Variants in MOB1B observed in about 807,000 individuals in gnomAD.
MOB1B encodes the protein MOB1 Mps One Binder homolog B.
MOB1B carries 19 observed loss-of-function variants against 24.4 expected under a neutral mutation model. That is an observed-to-expected ratio of 0.78 (90% CI 0.54 to 1.14). The LOEUF is 1.14. MOB1B is among the 50% of genes most tolerant of loss of function. The pLI is 0.00. For missense variants in MOB1B, 243 were observed against 259.6 expected (o/e 0.94, Z 0.44); for synonymous variants, 76 against 82.1 (o/e 0.93, Z 0.40).
At chr4:70,937,706 T>G (rs934634741) in intron 1 of MOB1B, among the ~76,000 whole-genome samples, 3 of 151,950 alleles carry the variant, frequency 2.0e-5, no homozygotes, top group African/African-American at 7.2e-5. Flanking sequence ...AAGGGGAAAT[T>G]TTTAGTAAGG....
intron 1 of MOB1B, among the ~76,000 whole-genome samples, chr4:70,925,066 T>TG (rs1160155028): frequency 6.6e-6 from 1 of 152,176 alleles, no homozygotes; most frequent in African/African-American, 2.4e-5. Flanking sequence ...TTTTTTGAGA[T>TG]GGAGTCTTGC....
intron 3 of MOB1B, among the ~76,000 whole-genome samples, chr4:70,972,066 G>T (rs999536876): frequency 2.6e-5 from 4 of 151,090 alleles, no homozygotes; most frequent in African/African-American, 9.8e-5. Flanking sequence ...AGAAGATGTA[G>T]TTGTTGTCAT....
At chr4:70,925,662 A>G (rs377533194) in intron 1 of MOB1B, among the ~76,000 whole-genome samples, 6 of 152,196 alleles carry the variant, frequency 3.9e-5, no homozygotes, top group African/African-American at 1.4e-4. Context: ...TCATTGGATT[A>G]TAATGCATTT....
At chr4:70,940,968 C>T (rs146796834) in intron 1 of MOB1B, among the ~76,000 whole-genome samples, 51 of 152,248 alleles carry the variant, frequency 3.3e-4, no homozygotes, top group African/African-American at 1.2e-3. Flanking sequence ...CCACCACGCC[C>T]GGCCCGGCAT....
intron 1 of MOB1B, among the ~76,000 whole-genome samples, chr4:70,904,210 C>T (rs1394627135): frequency 6.6e-6 from 1 of 151,462 alleles, no homozygotes; most frequent in African/African-American, 2.4e-5. Context: ...TCTCGAACTC[C>T]TGATTTCAAG....
In MOB1B at chr4:70,985,146, A is replaced by G. The variant is rs1578410902; in HGVS notation, c.*3089A>G. The G allele has an allele frequency of 6.6e-6, 1 of 152,234 alleles. No homozygotes were observed. The highest frequency in any genetic ancestry group is 1.5e-5 in the Non-Finnish European group (1 of 68,042). 9.4% of individuals were successfully genotyped at this position (152,234 alleles called of 1,614,324 possible). On this transcript the variant is annotated 3_prime_UTR_variant, in exon 6 of 6. Transcript: ENST00000309395. ...ATATAACCACCAGACTCCATTTTAT[A>G]TATTAGCATTTTCCTTGCTTATGGG...
intron 1 of MOB1B, among the ~76,000 whole-genome samples, chr4:70,932,220 T>A (rs1404915257): frequency 1.3e-5 from 2 of 152,092 alleles, no homozygotes; most frequent in Non-Finnish European, 2.9e-5. Context: ...TATATATAAT[T>A]TAATTTTCAG....
At chr4:70,908,790 T>G (rs1419065458) in intron 1 of MOB1B, among the ~76,000 whole-genome samples, 1 of 121,224 alleles carries the variant, frequency 8.2e-6, no homozygotes, top group Non-Finnish European at 1.7e-5. Flanking sequence ...AAAAAAAGAT[T>G]AGCAATTTAG....
At chr4:70,961,262 C>G (rs868221355) in intron 2 of MOB1B, among the ~76,000 whole-genome samples, 1 of 151,960 alleles carries the variant, frequency 6.6e-6, no homozygotes, top group African/African-American at 2.4e-5. Context: ...TTTACTTAAC[C>G]CTTTTTGTAA....
rs543455029 is a variant in MOB1B at position 70,952,751 on chromosome 4, A to G, written c.15-6123A>G. Among the ~76,000 whole-genome samples, 5 of 151,812 alleles carry G rather than the reference A, an allele frequency of 3.3e-5. No individual in the cohort carries two copies. In the East Asian group the frequency reaches 7.7e-4, roughly 24 times the overall value. ...GAGGTAGGTGGGGTAAGAGGGCAGC[A>G]TACTTTATGTTTTTGAAAATTTTTG... On this transcript the variant is annotated intron_variant, in intron 1 of 5. Coordinates refer to ENST00000309395, the MANE Select transcript of MOB1B (RefSeq NM_173468.4).
At chr4:70,911,593 T>C (rs1455864550) in intron 1 of MOB1B, among the ~76,000 whole-genome samples, 2 of 152,116 alleles carry the variant, frequency 1.3e-5, no homozygotes, top group African/African-American at 4.8e-5. Flanking sequence ...CTTTACATAC[T>C]AGAGTGCAAA....
intron 1 of MOB1B, among the ~76,000 whole-genome samples, chr4:70,917,228 GTTTCTT>G (rs1736230608): frequency 6.6e-6 from 1 of 152,094 alleles, no homozygotes; most frequent in South Asian, 2.1e-4. Flanking sequence ...TACCATTAAG[GTTTCTT>G]ACCTACATTG....
At chr4:70,945,261 A>G (rs909179850) in intron 1 of MOB1B, among the ~76,000 whole-genome samples, 3 of 152,336 alleles carry the variant, frequency 2.0e-5, no homozygotes, top group East Asian at 1.9e-4. Flanking sequence ...AGGAGGAAGT[A>G]TGATGGAGAG....
chr4:70,960,524 A>G (rs979912451), intron 2 of MOB1B, among the ~76,000 whole-genome samples: 8 of 152,166 alleles, frequency 5.3e-5, no homozygotes, highest in Non-Finnish European at 1.2e-4. Flanking sequence ...AATTTGAACT[A>G]TGTCATGGGA....
At chr4:70,913,699 C>T (rs1235985260) in intron 1 of MOB1B, among the ~76,000 whole-genome samples, 2 of 152,090 alleles carry the variant, frequency 1.3e-5, no homozygotes, top group Non-Finnish European at 2.9e-5. Flanking sequence ...CAGGATTCTC[C>T]ACTGTAAGGT....
chr4:70,973,524 G>A (rs1258360658), intron 3 of MOB1B, among the ~76,000 whole-genome samples: 2 of 150,540 alleles, frequency 1.3e-5, no homozygotes, highest in African/African-American at 4.9e-5. Context: ...TACCATTCAC[G>A]GTCTCTAGCT....
At chr4:70,959,079 G>C (rs756332767) in intron 2 of MOB1B, 39 bp downstream of exon 2, 1 of 1,569,432 alleles carries the variant, frequency 6.4e-7, no homozygotes, top group East Asian at 2.2e-5. Context: ...CTGTGAATTA[G>C]GGTAATAGCC....
chr4:70,965,796 CAAAAAAAAA>C (rs71211986), intron 2 of MOB1B, among the ~76,000 whole-genome samples: 1 of 28,704 alleles, frequency 3.5e-5, no homozygotes, highest in East Asian at 9.0e-4. Context: ...GACTCCGTCT[CAAAAAAAAA>C]AAAAAAAAAA....
At chr4:70,931,864 G>C (rs1185888423) in intron 1 of MOB1B, among the ~76,000 whole-genome samples, 2 of 152,074 alleles carry the variant, frequency 1.3e-5, no homozygotes, top group Non-Finnish European at 2.9e-5. Flanking sequence ...CTAAGTAGCT[G>C]GGAGTACAGG....
Sources: allele counts gnomAD v4.1 joint callset (sites outside exome capture counted in the v4.1 genomes callset), GRCh38; gene constraint gnomAD v4.1.1; transcripts MANE v1.5; gene names NCBI Gene and HGNC (gene_info 2026-07-23, HGNC 2026-07-21).